PUS10: variants seen among roughly 807,000 people sequenced by gnomAD.
PUS10 encodes the protein tRNA pseudouridine synthase Pus10.
A neutral mutation model predicts 75.0 loss-of-function variants in PUS10; 59 were observed. The observed-to-expected ratio is 0.79, with a 90% CI of 0.64 to 0.98. The LOEUF (loss-of-function observed/expected upper bound fraction) is 0.98, where lower values mean the gene tolerates loss of function less well. Among genes scored for constraint, PUS10 ranks in the 50% least tolerant of loss-of-function variants. The pLI, the probability that PUS10 is intolerant of heterozygous loss-of-function variation, is 0.00. For synonymous variants in PUS10, 219 were observed against 211.6 expected, an observed-to-expected ratio of 1.03 and a Z score of -0.30; for missense variants, 650 against 614.4, an observed-to-expected ratio of 1.06 and a Z score of -0.61.
At chr2:60,984,337 A>G (rs1558943220) in intron 4 of PUS10, among the ~76,000 whole-genome samples, 1 of 152,228 alleles carries the variant, frequency 6.6e-6, no homozygotes, top group African/African-American at 2.4e-5. Context: ...AAAAAGATGT[A>G]AAAGTTCACC....
In PUS10 at chr2:60,967,594, C is replaced by T. The variant is rs1235357031; in HGVS notation, c.523G>A (p.Gly175Arg). The T allele has an allele frequency of 5.6e-6, 9 of 1,603,762 alleles. No homozygotes were observed. The Admixed American group carries it at 1.4e-4, about 25-fold the overall frequency. Reference protein sequence around the residue: ...QEMGKQSLSLGRDDIVQLKEA... With the variant: ...QEMGKQSLSLRRDDIVQLKEA... ...TTTAGCTGAACTATATCATCTCTTC[C>T]CAGCGACAGACTCTGCTTTCTGAAT... Residue 175 changes from glycine (G) to arginine (R), a missense_variant, in exon 6 of 18, where the codon GGA (glycine) becomes AGA (arginine). Transcript: ENST00000316752.
At position 60,942,388 on chromosome 2, in the gene PUS10, T is replaced by C. The variant is rs1327427150; in HGVS notation, c.*7A>G. 1.2e-6 allele frequency: 2 copies of C among 1,612,948 alleles called. No individual in the cohort carries two copies. The highest frequency in any genetic ancestry group is 2.2e-5 in the East Asian group (1 of 44,860). ...AAAACCATACTCTTTGTCTCCAAAT[T>C]TGAAAGCTAGTCATCCAGAGCAGGT... On this transcript the variant is annotated 3_prime_UTR_variant, in exon 18 of 18. Coordinates refer to ENST00000316752, the MANE Select transcript of PUS10 (RefSeq NM_144709.4).
chr2:60,964,914 A>G (rs1676243351), intron 8 of PUS10, 144 bp downstream of exon 8: 2 of 766,504 alleles, frequency 2.6e-6, no homozygotes, highest in South Asian at 3.6e-5. Context: ...ACAAAAATTA[A>G]TGTAGCAAAT....
chr2:60,965,636 T>C (rs2104372353), intron 6 of PUS10, 152 bp from the exon 7 acceptor site: 2 of 570,538 alleles, frequency 3.5e-6, no homozygotes, highest in East Asian at 6.2e-5. Flanking sequence ...CAACTTGTTA[T>C]CAGGGCAGCT....
chr2:60,975,208 G>A (rs772066261), intron 4 of PUS10, among the ~76,000 whole-genome samples: 1 of 151,840 alleles, frequency 6.6e-6, no homozygotes, highest in African/African-American at 2.4e-5. Flanking sequence ...GTGCTATGGC[G>A]TGATCTCGGG....
chr2:61,009,590 A>T (rs777486029), intron 2 of PUS10, among the ~76,000 whole-genome samples: 4 of 152,204 alleles, frequency 2.6e-5, no homozygotes, highest in Admixed American at 6.5e-5. Flanking sequence ...AACCATTTCC[A>T]TATATTAATT....
chr2:60,981,375 C>A (rs1677381453), intron 4 of PUS10, among the ~76,000 whole-genome samples: 1 of 151,256 alleles, frequency 6.6e-6, no homozygotes. Context: ...TTTTGCCTCC[C>A]AGGTTCAAGC....
intron 17 of PUS10, among the ~76,000 whole-genome samples, chr2:60,943,766 G>C (rs531338740): frequency 2.6e-3 from 333 of 127,822 alleles, no homozygotes; most frequent in African/African-American, 8.9e-3. Flanking sequence ...ACAATCTTGT[G>C]TGTGTGTGTG....
In PUS10 at chr2:60,948,055, GT is replaced by G; in HGVS notation, c.1438del (p.Thr480LeufsTer25). On this transcript the variant is annotated frameshift_variant, in exon 16 of 18. Transcript: ENST00000316752. LOFTEE classifies it high-confidence loss of function. ...GGTGGAAGGATACGTGCCAGCCTGA[GT>G]TTTCAAGTGGAGGCGGAAGTGGTGC... ...DEHHFRLHLK[T>X]QAGTYIKEFV... 6.2e-7 allele frequency: 1 copy of G among 1,614,126 alleles called. No individual in the cohort carries two copies. Among genetic ancestry groups the G allele is most frequent in the Non-Finnish European group, 8.5e-7 (1 of 1,180,026 alleles).
chr2:60,965,664 G>T (rs922218511), intron 6 of PUS10, 180 bp from the exon 7 acceptor site: 141 of 367,842 alleles, frequency 3.8e-4, no homozygotes, highest in African/African-American at 2.5e-3. Context: ...AAATAGTTTT[G>T]TTTTTTTTTT....
rs369631428 is a variant in PUS10 at position 60,985,337 on chromosome 2, G to A, written c.469-13780C>T. Among the ~76,000 whole-genome samples the A allele has an allele frequency of 1.9e-3, 286 of 152,202 alleles. 1 individual carries two copies. The highest frequency in any genetic ancestry group is 6.8e-3 in the Middle Eastern group (2 of 294). The stretch of plus-strand genomic sequence containing the variant: ...ATTTTAAAATGTACTATATTTATAG[G>A]ATCCTTGCTGCTTCACTATCACCTC... On this transcript the variant is annotated intron_variant, in intron 4 of 17. Transcript: ENST00000316752.
At chr2:61,014,230 T>A (rs554183449) in intron 1 of PUS10, among the ~76,000 whole-genome samples, 2 of 151,932 alleles carry the variant, frequency 1.3e-5, no homozygotes, top group East Asian at 3.9e-4. Context: ...AAAAAACTAT[T>A]AGCCAGGTGT....
At chr2:61,011,694 A>G in intron 2 of PUS10, 71 bp downstream of exon 2, 9 of 1,191,778 alleles carry the variant, frequency 7.6e-6, no homozygotes, top group Non-Finnish European at 1.0e-5. Flanking sequence ...CCTCAAAAGT[A>G]CAAGCATTCA....
intron 4 of PUS10, among the ~76,000 whole-genome samples, chr2:60,999,558 T>TG (rs956699275): frequency 6.6e-6 from 1 of 152,156 alleles, no homozygotes; most frequent in African/African-American, 2.4e-5. Context: ...GGTCAAGTGC[T>TG]GCAGTGAGCT....
At chr2:61,006,518 G>T in intron 4 of PUS10, 39 bp downstream of exon 4, 2 of 1,356,708 alleles carry the variant, frequency 1.5e-6, no homozygotes, top group African/African-American at 1.4e-5. Context: ...TTCCTAGCAT[G>T]CACTTCACAT....
rs1680112960 is a variant in PUS10 at position 61,017,832 on chromosome 2, G to C, written c.-16+176C>G. 3 of 1,550,448 alleles carry C rather than the reference G, an allele frequency of 1.9e-6. No individual in the cohort carries two copies. In the South Asian group the frequency reaches 3.6e-5, roughly 18 times the overall value. ...AATTCCGGGAGCCGGACCGGGACCA[G>C]GACCGGGCCCCACTTTCCAGTGAGT... On this transcript the variant is annotated intron_variant, in intron 1 of 17. Coordinates refer to ENST00000316752, the MANE Select transcript of PUS10 (RefSeq NM_144709.4).
chr2:60,949,692 A>G (rs1161666239), intron 15 of PUS10, among the ~76,000 whole-genome samples: 1 of 152,218 alleles, frequency 6.6e-6, no homozygotes, highest in South Asian at 2.1e-4. Context: ...AACTAAAAAC[A>G]TTATTTGAAA....
chr2:61,014,515 G>C (rs531433049), intron 1 of PUS10, among the ~76,000 whole-genome samples: 1 of 152,280 alleles, frequency 6.6e-6, no homozygotes, highest in South Asian at 2.1e-4. Flanking sequence ...ACTATATAGA[G>C]AATGAAGGCA....
intron 4 of PUS10, among the ~76,000 whole-genome samples, chr2:60,973,643 G>T (rs1241907711): frequency 1.3e-5 from 2 of 152,266 alleles, no homozygotes; most frequent in African/African-American, 4.8e-5. Context: ...AGAACAGCCA[G>T]GGCGCCATGA....
Sources: gnomAD v4.1 joint callset for allele counts (sites outside exome capture counted in the v4.1 genomes callset) on GRCh38, gnomAD v4.1.1 for gene constraint, MANE v1.5 for transcripts, NCBI Gene and HGNC (gene_info 2026-07-23, HGNC 2026-07-21) for gene names.